Variants in RABEP1 observed in about 807,000 individuals in gnomAD.
RABEP1 encodes the protein rabaptin, RAB GTPase binding effector protein 1, also known as rab GTPase-binding effector protein 1.
RABEP1 carries 51 observed loss-of-function variants against 123.4 expected under a neutral mutation model. The ratio of observed to expected loss-of-function variants is 0.41; its 90% CI spans 0.33 to 0.52. RABEP1 has a LOEUF of 0.52. Among genes scored for constraint, RABEP1 ranks in the 20% least tolerant of loss-of-function variants. RABEP1 has a pLI of 0.16. For missense variants in RABEP1, 888 were observed against 996.3 expected (o/e 0.89, Z 1.46); for synonymous variants, 347 against 355.2 (o/e 0.98, Z 0.26).
intron 2 of RABEP1, among the ~76,000 whole-genome samples, chr17:5,323,692 C>T (rs780229202): frequency 2.8e-5 from 2 of 72,054 alleles, no homozygotes; most frequent in Non-Finnish European, 5.1e-5. Context: ...ATATATATAT[C>T]TCTCTCTAGG....
chr17:5,304,119 A>G (rs1363828468), intron 1 of RABEP1, among the ~76,000 whole-genome samples: 1 of 152,134 alleles, frequency 6.6e-6, no homozygotes. Context: ...AGTCTTAGAA[A>G]TATTTTAAGT....
chr17:5,328,119 C>T (rs1381488665), intron 2 of RABEP1, among the ~76,000 whole-genome samples: 1 of 152,116 alleles, frequency 6.6e-6, no homozygotes, highest in African/African-American at 2.4e-5. Context: ...AAACCTGCGA[C>T]GTAAGTAAAG....
chr17:5,317,991 G>A (rs144393464), intron 2 of RABEP1, among the ~76,000 whole-genome samples: 78 of 152,336 alleles, frequency 5.1e-4, no homozygotes, highest in African/African-American at 1.7e-3. Context: ...CAGAGAGGGC[G>A]TAGAAGCTCC....
At chr17:5,295,662 G>C (rs2075076762) in intron 1 of RABEP1, among the ~76,000 whole-genome samples, 1 of 152,004 alleles carries the variant, frequency 6.6e-6, no homozygotes, top group Admixed American at 6.6e-5. Flanking sequence ...GTGTCATTAG[G>C]AATAACTGTC....
chr17:5,297,449 C>G (rs1014063131), intron 1 of RABEP1, among the ~76,000 whole-genome samples: 2 of 152,196 alleles, frequency 1.3e-5, no homozygotes, highest in East Asian at 3.8e-4. Flanking sequence ...TCATGTGACT[C>G]ATGAATCTCC....
chr17:5,290,653 C>T lies in RABEP1; in HGVS notation c.34+8133C>T, dbSNP rs755246582. On this transcript the variant is annotated intron_variant, in intron 1 of 17. Coordinates refer to ENST00000537505, the MANE Select transcript of RABEP1 (RefSeq NM_004703.6). ...TGTTGCCCATGCTAAAATGCAGTGC[C>T]GCTATCTTAGCTGACTGCAACCTTG... Among the ~76,000 whole-genome samples, 15 of 152,090 alleles carry T rather than the reference C, an allele frequency of 9.9e-5. 1 individual carries two copies. In the South Asian group the frequency reaches 1.0e-3, roughly 11 times the overall value.
chr17:5,324,006 A>G (rs1250506861), intron 2 of RABEP1, among the ~76,000 whole-genome samples: 1 of 151,806 alleles, frequency 6.6e-6, no homozygotes, highest in Non-Finnish European at 1.5e-5. Context: ...TTGAAATGAC[A>G]ATACTATCCA....
intron 10 of RABEP1, 108 bp downstream of exon 10, chr17:5,363,124 T>A (rs1179478854): frequency 1.3e-6 from 1 of 781,708 alleles, no homozygotes; most frequent in African/African-American, 1.7e-5. Flanking sequence ...ATGAAGCATA[T>A]CCATCTTGTT....
At chr17:5,377,407 G>C (rs1911081921) in intron 14 of RABEP1, 102 bp downstream of exon 14, 2 of 891,522 alleles carry the variant, frequency 2.2e-6, no homozygotes, top group Admixed American at 3.7e-5. Context: ...GAAAAGCTTA[G>C]GAAAGAATTT....
chr17:5,327,542 T>G (rs753689342), intron 2 of RABEP1, among the ~76,000 whole-genome samples: 1 of 152,164 alleles, frequency 6.6e-6, no homozygotes, highest in Admixed American at 6.5e-5. Context: ...TTATTTTGCA[T>G]GTGACTATGT....
At chr17:5,286,145 C>T (rs2074975378) in intron 1 of RABEP1, among the ~76,000 whole-genome samples, 1 of 152,098 alleles carries the variant, frequency 6.6e-6, no homozygotes, top group East Asian at 1.9e-4. Flanking sequence ...CCCCTGTAAT[C>T]CTACAAGCTC....
At chr17:5,304,704 C>T (rs572670347) in intron 1 of RABEP1, among the ~76,000 whole-genome samples, 1 of 152,190 alleles carries the variant, frequency 6.6e-6, no homozygotes, top group Admixed American at 6.5e-5. Context: ...TACTGATATT[C>T]TCAGCCTTCT....
intron 1 of RABEP1, among the ~76,000 whole-genome samples, chr17:5,301,820 C>T (rs1385852629): frequency 6.6e-6 from 1 of 151,394 alleles, no homozygotes; most frequent in Non-Finnish European, 1.5e-5. Flanking sequence ...ACTGCACTAG[C>T]TTCAGGTTGT....
chr17:5,378,319 A>AACT, intron 15 of RABEP1, 87 bp downstream of exon 15: 1 of 1,299,528 alleles, frequency 7.7e-7, no homozygotes, highest in Middle Eastern at 1.8e-4. Context: ...AATAAAAAAT[A>AACT]GTTAAGGCAT....
At chr17:5,329,815 G>T (rs1906349170) in intron 2 of RABEP1, among the ~76,000 whole-genome samples, 1 of 114,380 alleles carries the variant, frequency 8.7e-6, no homozygotes, top group African/African-American at 3.9e-5. Context: ...TCATATATAT[G>T]TTCATATATA....
intron 6 of RABEP1, among the ~76,000 whole-genome samples, chr17:5,347,196 G>T (rs879591807): frequency 1.3e-5 from 2 of 152,128 alleles, no homozygotes; most frequent in Non-Finnish European, 2.9e-5. Context: ...GATCACCTAA[G>T]GTCAGGAGTT....
chr17:5,383,089 C>G (rs1264461786), intron 17 of RABEP1, 33 bp from the exon 18 acceptor site: 2 of 1,580,096 alleles, frequency 1.3e-6, no homozygotes, highest in Non-Finnish European at 1.7e-6. Context: ...TAGGCAGGAG[C>G]CACCTGTAGT....
chr17:5,288,637 C>T (rs2075002295), intron 1 of RABEP1, among the ~76,000 whole-genome samples: 1 of 152,164 alleles, frequency 6.6e-6, no homozygotes, highest in African/African-American at 2.4e-5. Context: ...TCAGATGATG[C>T]ATCCGCCTTG....
chr17:5,340,701 C>G (rs1056088681), intron 5 of RABEP1, among the ~76,000 whole-genome samples: 2 of 150,236 alleles, frequency 1.3e-5, no homozygotes, highest in Admixed American at 1.3e-4. Flanking sequence ...AATCCCAGCA[C>G]TTTGGGAGGC....
Sources: gnomAD v4.1 joint callset for allele counts (sites outside exome capture counted in the v4.1 genomes callset) on GRCh38, gnomAD v4.1.1 for gene constraint, MANE v1.5 for transcripts, NCBI Gene and HGNC (gene_info 2026-07-23, HGNC 2026-07-21) for gene names.